Variants in LARGE1 observed in about 807,000 individuals in gnomAD.
LARGE1 encodes xylosyl- and glucuronyltransferase LARGE1.
Under a neutral mutation model 87.6 loss-of-function variants are expected in LARGE1, and 43 were observed. The observed-to-expected ratio is 0.49, with a 90% confidence interval of 0.38 to 0.63. The LOEUF is 0.63. Ranked by LOEUF, LARGE1 falls within the 30% of genes least tolerant of loss-of-function variation. LARGE1 has a pLI of 0.00. For missense variants in LARGE1, 802 were observed against 1,000.2 expected (o/e 0.80, Z 2.67); for synonymous variants, 434 against 394.6 (o/e 1.10, Z -1.18).
At chr22:33,493,789 C>T (rs1411933338) in intron 6 of LARGE1, among the ~76,000 whole-genome samples, 1 of 152,178 alleles carries the variant, frequency 6.6e-6, no homozygotes, top group Non-Finnish European at 1.5e-5. Context: ...TAAACAATGA[C>T]TCCAGGTACC....
intron 11 of LARGE1, among the ~76,000 whole-genome samples, chr22:33,226,427 C>G (rs1925735858): frequency 6.6e-6 from 1 of 152,226 alleles, no homozygotes; most frequent in Non-Finnish European, 1.5e-5. Flanking sequence ...GGACATTACA[C>G]TGTGACTGGA....
At chr22:33,647,745 A>C (rs9619364) in intron 3 of LARGE1, among the ~76,000 whole-genome samples, 16,214 of 152,126 alleles carry the variant, frequency 0.11, 2,827 homozygotes, top group African/African-American at 0.36. Flanking sequence ...TGAAATAGTA[A>C]AAGGCAGGAA....
rs1418188399 is a variant in LARGE1 at position 33,273,562 on chromosome 22, T to C, written c.*865A>G. On this transcript the variant is annotated 3_prime_UTR_variant, in exon 15 of 15. Coordinates refer to ENST00000397394, the MANE Select transcript of LARGE1 (RefSeq NM_133642.5). ...GGTGTAAAACAGCCAGCCCTCGTAA[T>C]TCCGCAGTCCCCATCGCTATAGCCC... 1 of 398,598 alleles carries C rather than the reference T, an allele frequency of 2.5e-6. No individual in the cohort carries two copies. The highest frequency in any genetic ancestry group is 4.4e-5 in the Admixed American group (1 of 22,708). The allele number at this position is 398,598 out of a possible 1,614,324, so 24.7% of individuals were successfully genotyped here. A position where few individuals can be genotyped will look rare whatever the true frequency, so the allele number is the denominator to read the frequency against.
chr22:33,259,581 A>G (rs1927513619), intron 11 of LARGE1, among the ~76,000 whole-genome samples: 1 of 152,236 alleles, frequency 6.6e-6, no homozygotes, highest in Non-Finnish European at 1.5e-5. Context: ...TTTCTGATAC[A>G]GGAACTACAG....
chr22:33,777,912 C>T (rs2085300188), intron 1 of LARGE1, among the ~76,000 whole-genome samples: 1 of 152,226 alleles, frequency 6.6e-6, no homozygotes, highest in Non-Finnish European at 1.5e-5. Context: ...CAGATTCAGT[C>T]ACACAGGGTA....
intron 10 of LARGE1, among the ~76,000 whole-genome samples, chr22:33,322,993 G>A (rs1232757056): frequency 6.6e-6 from 1 of 152,102 alleles, no homozygotes; most frequent in Non-Finnish European, 1.5e-5. Context: ...GCAGTGGCGT[G>A]CGCCTCTAGT....
At chr22:33,664,890 A>G (rs2081224902) in intron 2 of LARGE1, among the ~76,000 whole-genome samples, 1 of 152,034 alleles carries the variant, frequency 6.6e-6, no homozygotes, top group Non-Finnish European at 1.5e-5. Context: ...CAACAACAAA[A>G]AAACTGGTTA....
chr22:33,757,328 C>T (rs771064537), intron 2 of LARGE1, among the ~76,000 whole-genome samples: 1 of 152,302 alleles, frequency 6.6e-6, no homozygotes, highest in Non-Finnish European at 1.5e-5. Context: ...TCCCCTTAAT[C>T]GGGGAAGATT....
chr22:33,828,593 C>G (rs774224266), intron 1 of LARGE1, among the ~76,000 whole-genome samples: 1 of 152,158 alleles, frequency 6.6e-6, no homozygotes, highest in Non-Finnish European at 1.5e-5. Context: ...AAGTAAGCGA[C>G]GTTGAGAAAG....
At chr22:33,602,082 G>T (rs2079127654) in intron 5 of LARGE1, among the ~76,000 whole-genome samples, 2 of 152,190 alleles carry the variant, frequency 1.3e-5, no homozygotes, top group African/African-American at 4.8e-5. Context: ...TTCTGGCCTT[G>T]GCTACAAGTG....
At chr22:33,282,940 C>A (rs1930738667) in intron 13 of LARGE1, among the ~76,000 whole-genome samples, 1 of 152,198 alleles carries the variant, frequency 6.6e-6, no homozygotes, top group African/African-American at 2.4e-5. Context: ...CCTTCCTACC[C>A]TTCCACCCTC....
chr22:33,504,873 A>G (rs2148398941), intron 6 of LARGE1, among the ~76,000 whole-genome samples: 1 of 152,366 alleles, frequency 6.6e-6, no homozygotes, highest in East Asian at 1.9e-4. Flanking sequence ...CACAAGTGGC[A>G]TTTGAAAGCA....
intron 1 of LARGE1, among the ~76,000 whole-genome samples, chr22:33,794,316 A>C (rs992217506): frequency 6.6e-6 from 1 of 152,186 alleles, no homozygotes; most frequent in African/African-American, 2.4e-5. Flanking sequence ...GGGAACCCTG[A>C]GATCGCCCAG....
intron 11 of LARGE1, among the ~76,000 whole-genome samples, chr22:33,172,618 C>G (rs1488157657): frequency 6.6e-6 from 1 of 152,062 alleles, no homozygotes; most frequent in Admixed American, 6.6e-5. Flanking sequence ...CCTAGGAACT[C>G]TAATTACTCT....
intron 3 of LARGE1, among the ~76,000 whole-genome samples, chr22:33,643,790 A>G (rs1028440693): frequency 3.3e-5 from 5 of 152,238 alleles, no homozygotes; most frequent in South Asian, 4.1e-4. Context: ...ACATCTCTAC[A>G]CAAATAAACT....
chr22:33,216,687 C>T (rs796386305), intron 11 of LARGE1, among the ~76,000 whole-genome samples: 6 of 152,042 alleles, frequency 3.9e-5, no homozygotes, highest in African/African-American at 1.4e-4. Flanking sequence ...AATTAATGAT[C>T]ATTTCACCAT....
the LARGE1 span, among the ~76,000 whole-genome samples, chr22:33,138,275 C>T: frequency 3.6e-4 from 55 of 152,044 alleles, no homozygotes; most frequent in African/African-American, 9.4e-4. Flanking sequence ...ATATGGGGCC[C>T]GTACCCCTTT....
At chr22:33,101,494 T>G in the LARGE1 span, among the ~76,000 whole-genome samples, 1 of 152,224 alleles carries the variant, frequency 6.6e-6, no homozygotes, top group Non-Finnish European at 1.5e-5. Flanking sequence ...ATGTATCTCC[T>G]CTGTGCTAGG....
intron 2 of LARGE1, among the ~76,000 whole-genome samples, chr22:33,669,780 C>A (rs980308433): frequency 6.6e-6 from 1 of 152,224 alleles, no homozygotes; most frequent in African/African-American, 2.4e-5. Flanking sequence ...AGCCATCAGG[C>A]AACTTAATAT....
Sources: allele counts gnomAD v4.1 joint callset (sites outside exome capture counted in the v4.1 genomes callset), GRCh38; gene constraint gnomAD v4.1.1; transcripts MANE v1.5; gene names NCBI Gene and HGNC (gene_info 2026-07-23, HGNC 2026-07-21).